The following RALGPS1 variants were observed in gnomAD, a reference collection of about 807,000 sequenced individuals.
RALGPS1 encodes the protein ras-specific guanine nucleotide-releasing factor RalGPS1.
A neutral mutation model predicts 78.8 loss-of-function variants in RALGPS1; 19 were observed. That is an observed-to-expected ratio of 0.24 (90% CI 0.17 to 0.35). The LOEUF is 0.35. RALGPS1 is among the 10% of genes least tolerant of loss of function. The pLI is 1.00. For missense variants in RALGPS1, 454 were observed against 688.3 expected (o/e 0.66, Z 3.81); for synonymous variants, 228 against 256.3 (o/e 0.89, Z 1.06).
intron 8 of RALGPS1, among the ~76,000 whole-genome samples, chr9:127,073,450 G>GTGTGTGTGTGTGTGTC (rs965640773): frequency 9.0e-6 from 1 of 110,642 alleles, no homozygotes; most frequent in Non-Finnish European, 2.0e-5. Context: ...ACACCATTGT[G>GTGTGTGTGTGTGTGTC]TGTGTGTGTG....
chr9:126,965,518 C>T (rs1000634210), intron 2 of RALGPS1, among the ~76,000 whole-genome samples: 8 of 152,168 alleles, frequency 5.3e-5, no homozygotes, highest in South Asian at 4.1e-4. Context: ...GTTTTGGGGT[C>T]GGATAGATAC....
At chr9:127,072,227 T>G (rs1382769352) in intron 8 of RALGPS1, among the ~76,000 whole-genome samples, 2 of 152,234 alleles carry the variant, frequency 1.3e-5, no homozygotes, top group Non-Finnish European at 2.9e-5. Context: ...TCCATTTGTT[T>G]TTTTAGACAG....
chr9:127,133,914 T>G (rs1390865482), intron 8 of RALGPS1, among the ~76,000 whole-genome samples: 1 of 152,022 alleles, frequency 6.6e-6, no homozygotes, highest in East Asian at 1.9e-4. Flanking sequence ...CTTTCCTGAC[T>G]GAGTGTTGGC....
chr9:127,089,476 G>A (rs2052189092), intron 8 of RALGPS1, among the ~76,000 whole-genome samples: 1 of 152,208 alleles, frequency 6.6e-6, no homozygotes, highest in Non-Finnish European at 1.5e-5. Flanking sequence ...GCCCAGGGCT[G>A]GGTGCAAAGG....
chr9:127,066,195 C>T (rs2049685236), intron 7 of RALGPS1, among the ~76,000 whole-genome samples: 1 of 152,210 alleles, frequency 6.6e-6, no homozygotes, highest in Non-Finnish European at 1.5e-5. Context: ...GGCCTGAGCC[C>T]TGGGAGCCAG....
chr9:126,944,758 C>T (rs2037102245), intron 1 of RALGPS1, among the ~76,000 whole-genome samples: 1 of 151,952 alleles, frequency 6.6e-6, no homozygotes, highest in Non-Finnish European at 1.5e-5. Flanking sequence ...AACTACAGAC[C>T]TTTTTCAGAT....
At chr9:127,024,026 G>A in intron 4 of RALGPS1, among the ~76,000 whole-genome samples, 1 of 71,686 alleles carries the variant, frequency 1.4e-5, no homozygotes, top group African/African-American at 7.1e-5. Context: ...GACAGAGTAA[G>A]ACTCTGTCTC....
At chr9:127,088,861 T>G (rs981399538) in intron 8 of RALGPS1, 108 of 1,532,066 alleles carry the variant, frequency 7.0e-5, no homozygotes, top group Non-Finnish European at 8.7e-5. Flanking sequence ...TGGTGAGGAG[T>G]TGTTCTTTGT....
intron 1 of RALGPS1, among the ~76,000 whole-genome samples, chr9:126,938,174 G>A (rs1234109029): frequency 6.6e-6 from 1 of 152,184 alleles, no homozygotes; most frequent in Non-Finnish European, 1.5e-5. Flanking sequence ...TGGCAAAAAG[G>A]TGAAAAGAAG....
chr9:127,125,638 A>G (rs1032845161), intron 8 of RALGPS1, among the ~76,000 whole-genome samples: 1 of 152,090 alleles, frequency 6.6e-6, no homozygotes, highest in South Asian at 2.1e-4. Context: ...TCCCACCCTG[A>G]TCCTCTCCAG....
In RALGPS1 at chr9:127,056,681, G is replaced by A. The variant is rs560300195; in HGVS notation, c.483+3742G>A. On this transcript the variant is annotated intron_variant, in intron 7 of 18. Transcript: ENST00000259351. ...CAGCACGCAGGGTGGAGCATGCACC[G>A]ACTCTGCAGTTTTGTTTATAGGTCT... Among the ~76,000 whole-genome samples the A allele has an allele frequency of 1.3e-3, 193 of 152,226 alleles. 2 individuals carry two copies. Among genetic ancestry groups the A allele is most frequent in the African/African-American group, 1.4e-3 (59 of 41,548 alleles).
intron 1 of RALGPS1, among the ~76,000 whole-genome samples, chr9:126,931,177 C>T (rs1245476952): frequency 2.0e-5 from 3 of 152,164 alleles, no homozygotes; most frequent in Non-Finnish European, 2.9e-5. Context: ...TCCAGAAATT[C>T]GGCACGATAC....
intron 10 of RALGPS1, among the ~76,000 whole-genome samples, chr9:127,174,277 GAAAGAAAGAA>G (rs1564719002): frequency 1.5e-5 from 2 of 137,090 alleles, no homozygotes; most frequent in African/African-American, 6.3e-5. Flanking sequence ...GAGAGAGAGA[GAAAGAAAGAA>G]AGAGAAAGAA....
At chr9:126,995,382 T>C (rs1459272212) in intron 4 of RALGPS1, among the ~76,000 whole-genome samples, 4 of 152,204 alleles carry the variant, frequency 2.6e-5, no homozygotes, top group Admixed American at 1.3e-4. Flanking sequence ...GTTGCAATCC[T>C]AGTCTCTCAT....
chr9:127,020,088 A>AT (rs1005773543), intron 4 of RALGPS1, among the ~76,000 whole-genome samples: 26 of 151,140 alleles, frequency 1.7e-4, no homozygotes, highest in Non-Finnish European at 2.8e-4. Flanking sequence ...AAGTTTGGGG[A>AT]TTTTTTTTTC....
intron 4 of RALGPS1, among the ~76,000 whole-genome samples, chr9:126,987,095 G>C (rs1478094950): frequency 6.6e-6 from 1 of 152,172 alleles, no homozygotes; most frequent in Non-Finnish European, 1.5e-5. Context: ...GCCGGAGCCA[G>C]TGTCCCAGAG....
At chr9:126,973,644 G>C (rs1014001299) in intron 3 of RALGPS1, among the ~76,000 whole-genome samples, 3 of 152,100 alleles carry the variant, frequency 2.0e-5, no homozygotes, top group African/African-American at 7.2e-5. Context: ...ACATTTTTCA[G>C]TGTACAATTC....
chr9:127,034,589 C>T lies in RALGPS1; in HGVS notation c.300+75C>T, dbSNP rs138582475. The T allele has an allele frequency of 6.3e-5, 82 of 1,309,098 alleles. 2 individuals carry two copies. The South Asian group carries it at 8.4e-4, about 13-fold the overall frequency. 81.1% of individuals were successfully genotyped at this position (1,309,098 alleles called of 1,614,324 possible). A position where few individuals can be genotyped will look rare whatever the true frequency, so the allele number is the denominator to read the frequency against. ...TCCCCTGTAGGCTGCGAGCCCCCAC[C>T]CAAAGCTGTCTCCCAGGCTCCCAGC... On this transcript the variant is annotated intron_variant, in intron 5 of 18. Transcript: ENST00000259351.
intron 8 of RALGPS1, among the ~76,000 whole-genome samples, chr9:127,093,007 C>G (rs917635314): frequency 6.6e-6 from 1 of 152,142 alleles, no homozygotes; most frequent in Non-Finnish European, 1.5e-5. Flanking sequence ...TCCACACTTT[C>G]ATCTGTAAGC....
Sources: gnomAD v4.1 joint callset for allele counts (sites outside exome capture counted in the v4.1 genomes callset) on GRCh38, gnomAD v4.1.1 for gene constraint, MANE v1.5 for transcripts, NCBI Gene and HGNC (gene_info 2026-07-23, HGNC 2026-07-21) for gene names.